The following CHRM3 variants were observed in gnomAD, a reference collection of about 807,000 sequenced individuals.
CHRM3 encodes cholinergic receptor muscarinic 3.
A neutral mutation model predicts 41.8 loss-of-function variants in CHRM3; 11 were observed. That is an observed-to-expected ratio of 0.26 (90% CI 0.17 to 0.44). The LOEUF is 0.44. Ranked by LOEUF, CHRM3 falls within the 20% of genes least tolerant of loss-of-function variation. CHRM3 has a pLI of 1.00. For missense variants in CHRM3, 571 were observed against 745.4 expected, an observed-to-expected ratio of 0.77 and a Z score of 2.72; for synonymous variants, 297 against 301.4, an observed-to-expected ratio of 0.99 and a Z score of 0.15.
intron 6 of CHRM3, among the ~76,000 whole-genome samples, chr1:239,832,371 G>C (rs1162687492): frequency 6.6e-6 from 1 of 152,126 alleles, no homozygotes; most frequent in Non-Finnish European, 1.5e-5. Context: ...GTTCAACTTT[G>C]AATGACTTTT....
At chr1:239,618,688 CA>C (rs1174436264) in intron 3 of CHRM3, among the ~76,000 whole-genome samples, 12 of 150,598 alleles carry the variant, frequency 8.0e-5, no homozygotes, top group South Asian at 4.2e-4. Context: ...ACTAAAAATA[CA>C]AAAAATTAGC....
intron 4 of CHRM3, among the ~76,000 whole-genome samples, chr1:239,638,625 G>C (rs539882327): frequency 6.6e-6 from 1 of 152,112 alleles, no homozygotes; most frequent in Admixed American, 6.6e-5. Context: ...GTTTTTTCTT[G>C]TAAATTGGTT....
chr1:239,581,609 C>T (rs1291545743), intron 3 of CHRM3, among the ~76,000 whole-genome samples: 1 of 152,078 alleles, frequency 6.6e-6, no homozygotes, highest in Non-Finnish European at 1.5e-5. Flanking sequence ...TATCATTTAC[C>T]TTGATTAACT....
chr1:239,659,995 C>T (rs1277139805), intron 4 of CHRM3, among the ~76,000 whole-genome samples: 1 of 152,200 alleles, frequency 6.6e-6, no homozygotes, highest in Non-Finnish European at 1.5e-5. Flanking sequence ...GGGTCTCACT[C>T]TGTTGTCCAG....
chr1:239,463,298 G>A (rs1053507498), intron 1 of CHRM3, among the ~76,000 whole-genome samples: 9 of 152,094 alleles, frequency 5.9e-5, no homozygotes, highest in African/African-American at 2.2e-4. Flanking sequence ...TAATTTTCAT[G>A]CATTTTCTTG....
chr1:239,581,667 T>C (rs1017499849), intron 3 of CHRM3, among the ~76,000 whole-genome samples: 5 of 152,196 alleles, frequency 3.3e-5, no homozygotes, highest in African/African-American at 4.8e-5. Context: ...AATATCTTAA[T>C]AACATTTTCT....
intron 5 of CHRM3, among the ~76,000 whole-genome samples, chr1:239,749,225 A>G (rs1665610022): frequency 6.6e-6 from 1 of 152,192 alleles, no homozygotes; most frequent in Admixed American, 6.5e-5. Flanking sequence ...ATTGTAAATG[A>G]GATCTTTTGT....
Position 239,803,075 on chromosome 1 carries a change from T to C in CHRM3, c.-146-24177T>C, listed in dbSNP as rs144207929. Among the ~76,000 whole-genome samples, 4 of 152,342 alleles carry C rather than the reference T, an allele frequency of 2.6e-5. No individual in the cohort carries two copies. In the East Asian group the frequency reaches 7.7e-4, roughly 29 times the overall value. ...AAAATACAAATATCCCTGTAATGGG[T>C]AACACAGTGCATTCCTTACATCACA... is the stretch of plus-strand genomic sequence containing the variant. On this transcript the variant is annotated intron_variant, in intron 5 of 6. Transcript: ENST00000676153.
chr1:239,572,414 T>G (rs1285512785), intron 3 of CHRM3, among the ~76,000 whole-genome samples: 1 of 152,214 alleles, frequency 6.6e-6, no homozygotes, highest in Non-Finnish European at 1.5e-5. Flanking sequence ...CTAGACTGTA[T>G]GTTAGTAAAT....
intron 6 of CHRM3, among the ~76,000 whole-genome samples, chr1:239,881,718 A>G (rs1677651584): frequency 6.6e-6 from 1 of 152,166 alleles, no homozygotes; most frequent in African/African-American, 2.4e-5. Flanking sequence ...GTTTCACCAA[A>G]GGAAGAAAAC....
intron 3 of CHRM3, among the ~76,000 whole-genome samples, chr1:239,549,777 C>T (rs1469545408): frequency 6.6e-6 from 1 of 151,714 alleles, no homozygotes; most frequent in African/African-American, 2.4e-5. Flanking sequence ...GCATTTCATT[C>T]AGTACCACAG....
At position 239,552,089 on chromosome 1, in the gene CHRM3, A is replaced by C. The variant is rs538568094; in HGVS notation, c.-313+6340A>C. On this transcript the variant is annotated intron_variant, in intron 3 of 6. Transcript: ENST00000676153. ...GTAACTATGGTAATACAGCAATAAT[A>C]ATTACTATTGAATGAAATATGGCTA... is the stretch of plus-strand genomic sequence containing the variant. Among the ~76,000 whole-genome samples, 6 of 151,248 alleles carry C rather than the reference A, an allele frequency of 4.0e-5. No homozygotes were observed. The South Asian group carries it at 1.2e-3, about 31-fold the overall frequency.
At chr1:239,557,484 A>G (rs994172963) in intron 3 of CHRM3, among the ~76,000 whole-genome samples, 1 of 152,072 alleles carries the variant, frequency 6.6e-6, no homozygotes, top group Non-Finnish European at 1.5e-5. Context: ...CACTTATTTT[A>G]TTTTATAAGT....
At chr1:239,798,679 G>A (rs1007387509) in intron 5 of CHRM3, among the ~76,000 whole-genome samples, 2 of 152,122 alleles carry the variant, frequency 1.3e-5, no homozygotes, top group African/African-American at 4.8e-5. Context: ...AATACCAAAG[G>A]ACACGGATTA....
intron 3 of CHRM3, among the ~76,000 whole-genome samples, chr1:239,581,097 G>A (rs1378983026): frequency 6.6e-6 from 1 of 151,878 alleles, no homozygotes; most frequent in Admixed American, 6.6e-5. Flanking sequence ...AGGATTTCTT[G>A]GTAGGAAGGG....
chr1:239,746,850 C>T (rs941012976), intron 5 of CHRM3, among the ~76,000 whole-genome samples: 6 of 151,984 alleles, frequency 3.9e-5, no homozygotes, highest in African/African-American at 1.2e-4. Flanking sequence ...CTCTGCCTCC[C>T]GGGTTCAAGT....
chr1:239,600,265 T>G (rs1000257383), intron 3 of CHRM3, among the ~76,000 whole-genome samples: 7 of 152,108 alleles, frequency 4.6e-5, no homozygotes, highest in African/African-American at 1.7e-4. Context: ...GTGGTTAGTC[T>G]TGGGGGGCCA....
At chr1:239,487,288 A>G (rs1667239597) in intron 1 of CHRM3, among the ~76,000 whole-genome samples, 1 of 152,158 alleles carries the variant, frequency 6.6e-6, no homozygotes, top group Non-Finnish European at 1.5e-5. Flanking sequence ...ATTCAGTATA[A>G]TATTATCATT....
At chr1:239,660,155 T>C (rs556460179) in intron 4 of CHRM3, among the ~76,000 whole-genome samples, 113 of 152,196 alleles carry the variant, frequency 7.4e-4, no homozygotes, top group African/African-American at 2.6e-3. Context: ...TGTTTTGTAT[T>C]GTTTTTTGTA....
Sources: allele counts gnomAD v4.1 joint callset (sites outside exome capture counted in the v4.1 genomes callset), GRCh38; gene constraint gnomAD v4.1.1; transcripts MANE v1.5; gene names NCBI Gene and HGNC (gene_info 2026-07-23, HGNC 2026-07-21).